Variants in SLC9A4 observed in about 807,000 individuals in gnomAD.
The protein encoded by SLC9A4 is solute carrier family 9 member A4.
SLC9A4 carries 63 observed loss-of-function variants against 67.4 expected under a neutral mutation model. That is an observed-to-expected ratio of 0.93 (90% CI 0.76 to 1.15). The LOEUF is 1.15. Among genes scored for constraint, SLC9A4 ranks in the 50% most tolerant of loss-of-function variants. SLC9A4 has a pLI of 0.00. For missense variants in SLC9A4, 1,089 were observed against 987.7 expected, an observed-to-expected ratio of 1.10 and a Z score of -1.38; for synonymous variants, 393 against 367.2, an observed-to-expected ratio of 1.07 and a Z score of -0.80.
intron 2 of SLC9A4, among the ~76,000 whole-genome samples, chr2:102,488,649 C>A (rs545493286): frequency 6.6e-6 from 1 of 151,014 alleles, no homozygotes; most frequent in Admixed American, 6.6e-5. Context: ...CCCAGGTTCG[C>A]GACATTCTCC....
intron 2 of SLC9A4, among the ~76,000 whole-genome samples, chr2:102,488,580 G>C (rs1335242866): frequency 2.2e-5 from 3 of 138,102 alleles, no homozygotes; most frequent in Non-Finnish European, 4.5e-5. Context: ...ACGGAGTCTC[G>C]CTCTGTTGCC....
At chr2:102,481,610 AG>A (rs1684464084) in intron 2 of SLC9A4, among the ~76,000 whole-genome samples, 1 of 152,236 alleles carries the variant, frequency 6.6e-6, no homozygotes, top group South Asian at 2.1e-4. Flanking sequence ...CTTAAAAAAA[AG>A]ATTTATAGGA....
At chr2:102,522,591 G>A (rs529824322) in intron 9 of SLC9A4, among the ~76,000 whole-genome samples, 1 of 152,122 alleles carries the variant, frequency 6.6e-6, no homozygotes, top group South Asian at 2.1e-4. Context: ...AATCCTACTA[G>A]CAATACATTG....
intron 9 of SLC9A4, among the ~76,000 whole-genome samples, chr2:102,520,879 A>C (rs942337773): frequency 2.0e-5 from 3 of 152,200 alleles, no homozygotes. Context: ...CTGGACTTAT[A>C]TAATCCAATG....
At position 102,525,800 on chromosome 2, in the gene SLC9A4, G is replaced by A. The variant is rs114240801; in HGVS notation, c.1951-459G>A. Among the ~76,000 whole-genome samples the A allele has an allele frequency of 9.6e-3, 1,467 of 152,224 alleles. 31 individuals carry two copies. The highest frequency in any genetic ancestry group is 0.033 in the African/African-American group (1,384 of 41,538). On this transcript the variant is annotated intron_variant, in intron 10 of 11. Transcript: ENST00000295269. ...AAGGAAATACATGTTGGAGACTGGC[G>A]TGTTCTGCTTTCTCAAAACAAAAAA...
chr2:102,503,675 T>G lies in SLC9A4; in HGVS notation c.948T>G (p.Ala316=), dbSNP rs776430732. Residue 316 remains alanine (A), a synonymous_variant, in exon 3 of 12, where the codon GCT becomes GCG. Transcript: ENST00000295269. ...VFMFSYLSYL[A]AETLYLSGIL... ...TGTTCAGCTATTTGTCTTACTTAGC[T>G]GCTGAAACCCTCTATCTCTCCGGCA... The G allele has an allele frequency of 6.2e-7, 1 of 1,614,228 alleles. No individual in the cohort carries two copies.
intron 2 of SLC9A4, among the ~76,000 whole-genome samples, chr2:102,489,468 A>G (rs1267976091): frequency 1.3e-5 from 2 of 152,242 alleles, no homozygotes; most frequent in Non-Finnish European, 2.9e-5. Context: ...TGATAATTGC[A>G]GCTATGAACT....
rs753261055 is a variant in SLC9A4 at position 102,514,249 on chromosome 2, T to C, written c.1719T>C (p.His573=). 6.2e-6 allele frequency: 10 copies of C among 1,603,708 alleles called. No individual in the cohort carries two copies. The highest frequency in any genetic ancestry group is 8.5e-6 in the Non-Finnish European group (10 of 1,172,874). ...ILSSTAFSIP[H]QAQRIQGIKR... Reference sequence around the variant, plus strand: ...GCTCTACAGCTTTCTCCATACCCCATCAGTGAGTCATATCTGTTCTTTGTT... The same window carrying C: ...GCTCTACAGCTTTCTCCATACCCCACCAGTGAGTCATATCTGTTCTTTGTT... Residue 573 remains histidine, a splice_region_variant and synonymous_variant, in exon 8 of 12, where the codon CAT becomes CAC. Transcript: ENST00000295269.
In SLC9A4 at chr2:102,515,866, A is replaced by G. The variant is rs77568649; in HGVS notation, c.1721+1615A>G. ...ATGGACACCATACTCTGGTAGGGTC[A>G]TGACGTTAACAAAAAAGGCCACACA... is the stretch of plus-strand genomic sequence containing the variant. On this transcript the variant is annotated intron_variant, in intron 8 of 11. Transcript: ENST00000295269. Among the ~76,000 whole-genome samples the G allele has an allele frequency of 3.8e-3, 575 of 152,234 alleles. 4 individuals carry two copies. The highest frequency in any genetic ancestry group is 0.013 in the African/African-American group (559 of 41,528).
chr2:102,475,356 C>T (rs1245608344), intron 1 of SLC9A4, among the ~76,000 whole-genome samples: 1 of 152,212 alleles, frequency 6.6e-6, no homozygotes, highest in Admixed American at 6.5e-5. Context: ...ATTCCACAAC[C>T]TGGCTTCCTC....
chr2:102,496,853 T>G (rs2104427202), intron 2 of SLC9A4, among the ~76,000 whole-genome samples: 1 of 152,364 alleles, frequency 6.6e-6, no homozygotes, highest in East Asian at 1.9e-4. Context: ...ATCATCATGG[T>G]GGATTAGCAT....
chr2:102,493,553 A>T (rs560731676), intron 2 of SLC9A4, among the ~76,000 whole-genome samples: 1 of 151,922 alleles, frequency 6.6e-6, no homozygotes, highest in Non-Finnish European at 1.5e-5. Context: ...GCATGGAGGT[A>T]ACCATCCCCA....
chr2:102,486,016 T>C (rs1684581567), intron 2 of SLC9A4, among the ~76,000 whole-genome samples: 2 of 152,224 alleles, frequency 1.3e-5, no homozygotes, highest in Non-Finnish European at 2.9e-5. Flanking sequence ...GGGTGAACCA[T>C]GTATCCAGCC....
rs190317104 is a variant in SLC9A4 at position 102,498,973 on chromosome 2, G to A, written c.721-4475G>A. 7.9e-3 allele frequency among the ~76,000 whole-genome samples: 1,208 copies of A among 152,300 alleles called. 17 individuals are homozygous for A. Among genetic ancestry groups the A allele is most frequent in the African/African-American group, 0.027 (1,136 of 41,546 alleles). ...TGAGGGAAAATGGGGAAGAAGCCCA[G>A]GGGGATGGGAGAGCCCTCAGGTCGC... On this transcript the variant is annotated intron_variant, in intron 2 of 11. Transcript: ENST00000295269.
intron 5 of SLC9A4, among the ~76,000 whole-genome samples, chr2:102,508,582 T>A (rs1685096384): frequency 6.6e-6 from 1 of 152,198 alleles, no homozygotes; most frequent in African/African-American, 2.4e-5. Context: ...TTTGTTTTAG[T>A]TGGAGTTAGC....
chr2:102,501,972 A>C (rs1684950398), intron 2 of SLC9A4, among the ~76,000 whole-genome samples: 1 of 152,084 alleles, frequency 6.6e-6, no homozygotes, highest in Non-Finnish European at 1.5e-5. Flanking sequence ...CAGTTCTAGA[A>C]GGTCCACACA....
intron 4 of SLC9A4, among the ~76,000 whole-genome samples, chr2:102,506,249 T>C (rs886781316): frequency 6.6e-6 from 1 of 152,214 alleles, no homozygotes; most frequent in Non-Finnish European, 1.5e-5. Context: ...ACAATATATG[T>C]GTTGCCTTTT....
chr2:102,509,017 C>A, intron 6 of SLC9A4, 84 bp downstream of exon 6: 1 of 1,137,946 alleles, frequency 8.8e-7, no homozygotes, highest in Non-Finnish European at 1.3e-6. Context: ...TGTCACTAGA[C>A]TTCCTCTTTC....
intron 2 of SLC9A4, among the ~76,000 whole-genome samples, chr2:102,500,051 A>G (rs1222730499): frequency 6.6e-6 from 1 of 152,232 alleles, no homozygotes; most frequent in East Asian, 1.9e-4. Flanking sequence ...CTGGAACTGC[A>G]GGATAGGATC....
Sources: gnomAD v4.1 joint callset for allele counts (sites outside exome capture counted in the v4.1 genomes callset) on GRCh38, gnomAD v4.1.1 for gene constraint, MANE v1.5 for transcripts, NCBI Gene and HGNC (gene_info 2026-07-23, HGNC 2026-07-21) for gene names.